NOL4: variants seen among roughly 807,000 people sequenced by gnomAD.
NOL4 encodes the protein nucleolar protein 4, also known as cancer/testis antigen 125.
NOL4 carries 17 observed loss-of-function variants against 75.9 expected under a neutral mutation model. The observed-to-expected ratio is 0.22, with a 90% CI of 0.15 to 0.34. The LOEUF (loss-of-function observed/expected upper bound fraction) is 0.34. Among genes scored for constraint, NOL4 ranks in the 10% least tolerant of loss-of-function variants. The pLI, the probability that NOL4 is intolerant of heterozygous loss-of-function variation, is 1.00. For synonymous variants in NOL4, 292 were observed against 289.9 expected, an observed-to-expected ratio of 1.01 and a Z score of -0.07; for missense variants, 614 against 793.5, an observed-to-expected ratio of 0.77 and a Z score of 2.72.
intron 3 of NOL4, 26 bp downstream of exon 3, chr18:34,105,023 A>T: frequency 7.1e-7 from 1 of 1,401,034 alleles, no homozygotes; most frequent in Non-Finnish European, 1.0e-6. Flanking sequence ...ATTACTTTAA[A>T]TCTCACTATT....
At chr18:34,057,009 T>C (rs758908465) in intron 5 of NOL4, among the ~76,000 whole-genome samples, 1 of 152,182 alleles carries the variant, frequency 6.6e-6, no homozygotes, top group Non-Finnish European at 1.5e-5. Context: ...AATACAACCC[T>C]TGACTTAGGA....
At chr18:33,976,368 G>T (rs899067858) in intron 6 of NOL4, among the ~76,000 whole-genome samples, 1 of 137,594 alleles carries the variant, frequency 7.3e-6, no homozygotes, top group African/African-American at 2.8e-5. Context: ...CCTTGTAAAA[G>T]AATTTCTTGA....
rs1311288764 is a variant in NOL4, at chr18:33,906,668, T to A, written c.1543-23244A>T. Among the ~76,000 whole-genome samples the A allele has an allele frequency of 5.9e-5, 9 of 152,222 alleles. No individual in the cohort carries two copies. In the East Asian group the frequency reaches 1.5e-3, roughly 26 times the overall value. Reference sequence around the variant, plus strand: ...ATCTTTAATATATGTATCTGTTGAATAACAAATTAATTTTTTTCTTTGTAG... The same window carrying A: ...ATCTTTAATATATGTATCTGTTGAAAAACAAATTAATTTTTTTCTTTGTAG... On this transcript the variant is annotated intron_variant, in intron 9 of 10. Transcript: ENST00000261592.
chr18:34,128,954 G>T, intron 2 of NOL4: 5 of 657,210 alleles, frequency 7.6e-6, no homozygotes, highest in Non-Finnish European at 9.4e-6. Context: ...TTAATATAAA[G>T]GTAGCCAAAA....
At chr18:34,074,344 AG>A (rs1403649777) in intron 5 of NOL4, among the ~76,000 whole-genome samples, 1 of 151,758 alleles carries the variant, frequency 6.6e-6, no homozygotes, top group East Asian at 1.9e-4. Flanking sequence ...TCTAAAGAAA[AG>A]AAAAATCATA....
chr18:33,963,806 T>C (rs2070351287), intron 6 of NOL4, among the ~76,000 whole-genome samples: 1 of 152,154 alleles, frequency 6.6e-6, no homozygotes, highest in East Asian at 1.9e-4. Flanking sequence ...ACTGCCAGCA[T>C]TAGGCCTTGA....
rs1034183262 is a variant in NOL4, at chr18:34,160,521, T to C, written c.265-30501A>G. 2.6e-5 allele frequency among the ~76,000 whole-genome samples: 4 copies of C among 152,148 alleles called. No individual in the cohort carries two copies. In the South Asian group the frequency reaches 6.2e-4, roughly 24 times the overall value. ...ATGATTGTTAGCTAACTAGCACCTA[T>C]GGCAAAGATAACCTTTAACTAGAGA... On this transcript the variant is annotated intron_variant, in intron 1 of 10. Coordinates refer to ENST00000261592, the MANE Select transcript of NOL4 (RefSeq NM_003787.5).
chr18:34,194,928 G>T (rs1348159386), intron 1 of NOL4, among the ~76,000 whole-genome samples: 1 of 151,754 alleles, frequency 6.6e-6, no homozygotes, highest in Non-Finnish European at 1.5e-5. Flanking sequence ...TGAGGCTAGG[G>T]CAGGAGAATC....
intron 5 of NOL4, among the ~76,000 whole-genome samples, chr18:34,030,544 A>G (rs1469934916): frequency 1.3e-5 from 2 of 152,226 alleles, no homozygotes; most frequent in Non-Finnish European, 2.9e-5. Context: ...TAATCTTCAA[A>G]AATTGGAATA....
chr18:34,024,195 ATATATATATAT>A (rs1350953360), intron 5 of NOL4, among the ~76,000 whole-genome samples: 11 of 83,606 alleles, frequency 1.3e-4, no homozygotes, highest in Non-Finnish European at 1.9e-4. Context: ...AAAAAAAAAA[ATATATATATAT>A]ATATATATAA....
intron 5 of NOL4, among the ~76,000 whole-genome samples, chr18:34,038,987 C>T (rs1461449212): frequency 6.6e-6 from 1 of 151,782 alleles, no homozygotes; most frequent in Non-Finnish European, 1.5e-5. Context: ...ACATTCTATG[C>T]ATGTAAAAAA....
At chr18:34,027,472 G>A (rs2075403350) in intron 5 of NOL4, among the ~76,000 whole-genome samples, 1 of 152,202 alleles carries the variant, frequency 6.6e-6, no homozygotes, top group East Asian at 1.9e-4. Context: ...CAAATAGGTG[G>A]AGGACAGGGG....
At chr18:34,134,883 A>G (rs2080828467) in intron 1 of NOL4, among the ~76,000 whole-genome samples, 1 of 152,236 alleles carries the variant, frequency 6.6e-6, no homozygotes, top group Non-Finnish European at 1.5e-5. Flanking sequence ...AATCCAAAGG[A>G]AAACTAGAAA....
At chr18:34,020,739 G>C (rs1568228099) in intron 5 of NOL4, among the ~76,000 whole-genome samples, 1 of 151,596 alleles carries the variant, frequency 6.6e-6, no homozygotes, top group Non-Finnish European at 1.5e-5. Flanking sequence ...GAGTGTGGTT[G>C]GTATGATCCC....
intron 1 of NOL4, among the ~76,000 whole-genome samples, chr18:34,145,526 A>G (rs1000889012): frequency 3.3e-5 from 5 of 151,842 alleles, no homozygotes; most frequent in Non-Finnish European, 5.9e-5. Context: ...TCAAGAATTT[A>G]TAGAGATCAT....
intron 5 of NOL4, among the ~76,000 whole-genome samples, chr18:34,087,999 T>G (rs762926701): frequency 2.0e-5 from 3 of 151,874 alleles, no homozygotes; most frequent in Non-Finnish European, 4.4e-5. Context: ...TTATCTTTTT[T>G]TAAAATGCAA....
At chr18:34,103,725 T>C (rs1164326916) in intron 4 of NOL4, among the ~76,000 whole-genome samples, 2 of 152,050 alleles carry the variant, frequency 1.3e-5, no homozygotes, top group African/African-American at 4.8e-5. Flanking sequence ...TTATTTCGGA[T>C]ACTTTACTGT....
intron 1 of NOL4, among the ~76,000 whole-genome samples, chr18:34,194,639 A>C (rs1156298239): frequency 6.6e-6 from 1 of 152,056 alleles, no homozygotes; most frequent in Admixed American, 6.5e-5. Flanking sequence ...CATCTTACTC[A>C]TTTTTCAAGA....
At chr18:33,901,939 G>T (rs2065771200) in intron 9 of NOL4, among the ~76,000 whole-genome samples, 1 of 152,020 alleles carries the variant, frequency 6.6e-6, no homozygotes, top group Admixed American at 6.6e-5. Flanking sequence ...ATATGAAGAT[G>T]TATTTTTAGT....
Sources: allele counts gnomAD v4.1 joint callset (sites outside exome capture counted in the v4.1 genomes callset), GRCh38; gene constraint gnomAD v4.1.1; transcripts MANE v1.5; gene names NCBI Gene and HGNC (gene_info 2026-07-23, HGNC 2026-07-21).